CLYBL: variants seen among roughly 807,000 people sequenced by gnomAD.
CLYBL encodes the protein citramalyl-CoA lyase.
CLYBL carries 31 observed loss-of-function variants against 38.9 expected under a neutral mutation model. That is an observed-to-expected ratio of 0.80 (90% CI 0.60 to 1.08). The LOEUF is 1.08. Ranked by LOEUF, CLYBL falls within the 50% of genes least tolerant of loss-of-function variation. CLYBL has a pLI of 0.00. For missense variants in CLYBL, 434 were observed against 411.6 expected (o/e 1.05, Z -0.47); for synonymous variants, 171 against 158.6 (o/e 1.08, Z -0.59).
At chr13:99,741,637 G>C (rs2048757922) in intron 1 of CLYBL, among the ~76,000 whole-genome samples, 1 of 152,228 alleles carries the variant, frequency 6.6e-6, no homozygotes, top group Non-Finnish European at 1.5e-5. Flanking sequence ...CTGCACTCTA[G>C]TCCGCGTTCA....
intron 1 of CLYBL, among the ~76,000 whole-genome samples, chr13:99,757,766 C>T (rs529148550): frequency 2.3e-4 from 35 of 152,308 alleles, no homozygotes; most frequent in African/African-American, 7.9e-4. Flanking sequence ...GCCACCTTGG[C>T]AACTTTTAAA....
chr13:99,645,497 C>CAAAAA (rs35412408), intron 1 of CLYBL, among the ~76,000 whole-genome samples: 6 of 94,178 alleles, frequency 6.4e-5, no homozygotes, highest in African/African-American at 2.4e-4. Flanking sequence ...GACTCTGTCT[C>CAAAAA]AAAAAAAAAA....
rs57249330 is a variant in CLYBL at position 99,818,446 on chromosome 13, AACACACACAC to A, written c.250-40386_250-40377del. Among the ~76,000 whole-genome samples the A allele has an allele frequency of 3.9e-3, 561 of 143,314 alleles. 9 individuals carry two copies. Among genetic ancestry groups the A allele is most frequent in the East Asian group, 2.5e-3 (12 of 4,850 alleles). 94.0% of individuals were successfully genotyped at this position (143,314 alleles called of 152,430 possible). ...CCCCTGAAGATCACATGGAGCAGAA[AACACACACAC>A]ACACACACACACACACACACACACA... On this transcript the variant is annotated intron_variant, in intron 2 of 8. Coordinates refer to ENST00000339105, the MANE Select transcript of CLYBL (RefSeq NM_206808.5).
chr13:99,774,284 A>G lies in CLYBL; in HGVS notation c.249+1274A>G, dbSNP rs937110368. 4.6e-5 allele frequency among the ~76,000 whole-genome samples: 7 copies of G among 151,858 alleles called. 1 individual carries two copies. Among genetic ancestry groups the G allele is most frequent in the Admixed American group, 6.6e-5 (1 of 15,252 alleles). On this transcript the variant is annotated intron_variant, in intron 2 of 8. Transcript: ENST00000339105. ...ACCAATTTGTAAATAGGTACAAAAG[A>G]CTCTTACTGCGTGACTGTATAGTAG...
intron 1 of CLYBL, among the ~76,000 whole-genome samples, chr13:99,613,481 T>C (rs941734264): frequency 3.9e-5 from 6 of 152,130 alleles, no homozygotes; most frequent in Non-Finnish European, 8.8e-5. Context: ...TAGGGTTGGC[T>C]TCATCTTTGA....
chr13:99,784,449 C>CTCTTTTTTTTTTTTTTT lies in CLYBL; in HGVS notation c.249+11440_249+11441insCTTTTTTTTTTTTTTTT, dbSNP rs71121010. ...TTCCTCTGCTTCTGGAAAATTCTCTCTTTTTTTTTTTTTTTTTTTTTTTGA... is the reference window on the plus strand; with the variant it reads ...TTCCTCTGCTTCTGGAAAATTCTCTCTCTTTTTTTTTTTTTTTTTTTTTTTTTTTTTTTTTTTTTTGA... On this transcript the variant is annotated intron_variant, in intron 2 of 8. Transcript: ENST00000339105. 1.8e-3 allele frequency among the ~76,000 whole-genome samples: 94 copies of CTCTTTTTTTTTTTTTTT among 52,108 alleles called. 8 individuals carry two copies. Among genetic ancestry groups the CTCTTTTTTTTTTTTTTT allele is most frequent in the Non-Finnish European group, 2.9e-3 (77 of 26,214 alleles). 34.2% of individuals were successfully genotyped at this position (52,108 alleles called of 152,430 possible).
At position 99,787,316 on chromosome 13, in the gene CLYBL, G is replaced by T. The variant is rs193044434; in HGVS notation, c.249+14306G>T. On this transcript the variant is annotated intron_variant, in intron 2 of 8. Coordinates refer to ENST00000339105, the MANE Select transcript of CLYBL (RefSeq NM_206808.5). ...GGTATCGCCTAGGTTTTCTTCTAGGGTTTTTTATGGTTTTAGGTCTAACAT... is the reference window on the plus strand; with the variant it reads ...GGTATCGCCTAGGTTTTCTTCTAGGTTTTTTTATGGTTTTAGGTCTAACAT... Among the ~76,000 whole-genome samples the T allele has an allele frequency of 6.5e-3, 982 of 152,194 alleles. 10 individuals carry two copies. The highest frequency in any genetic ancestry group is 0.023 in the African/African-American group (951 of 41,528).
intron 2 of CLYBL, among the ~76,000 whole-genome samples, chr13:99,777,910 G>A (rs1190170437): frequency 6.6e-6 from 1 of 152,214 alleles, no homozygotes; most frequent in East Asian, 1.9e-4. Flanking sequence ...CCATTAAATA[G>A]CAGAACCAAG....
intron 1 of CLYBL, among the ~76,000 whole-genome samples, chr13:99,665,216 G>A (rs2139344188): frequency 6.6e-6 from 1 of 151,898 alleles, no homozygotes; most frequent in South Asian, 2.1e-4. Flanking sequence ...GTATTATTGG[G>A]CACAGGAAAA....
intron 1 of CLYBL, among the ~76,000 whole-genome samples, chr13:99,755,423 G>A (rs1422633346): frequency 6.6e-6 from 1 of 152,150 alleles, no homozygotes; most frequent in Non-Finnish European, 1.5e-5. Flanking sequence ...AATGCATGAG[G>A]TGTGCCCAGT....
intron 1 of CLYBL, among the ~76,000 whole-genome samples, chr13:99,685,005 G>T (rs1321234549): frequency 1.3e-5 from 2 of 152,184 alleles, no homozygotes; most frequent in Admixed American, 6.5e-5. Context: ...AAATACTTTG[G>T]TTTTTAATAT....
chr13:99,803,843 G>A (rs1167687031), intron 2 of CLYBL, among the ~76,000 whole-genome samples: 1 of 152,134 alleles, frequency 6.6e-6, no homozygotes, highest in Non-Finnish European at 1.5e-5. Flanking sequence ...GACATTCGCG[G>A]TCACACTAAC....
chr13:99,812,275 G>C (rs975339705), intron 2 of CLYBL, among the ~76,000 whole-genome samples: 3 of 152,148 alleles, frequency 2.0e-5, no homozygotes, highest in African/African-American at 7.2e-5. Context: ...TATTGTTATG[G>C]GTTTGAGGAC....
At chr13:99,697,503 G>A (rs1427500991) in intron 1 of CLYBL, among the ~76,000 whole-genome samples, 4 of 151,918 alleles carry the variant, frequency 2.6e-5, no homozygotes, top group African/African-American at 9.7e-5. Flanking sequence ...CAGTAGCTGG[G>A]ATTACAGGCA....
At chr13:99,907,587 A>G (rs2052709531) in intron 9 of CLYBL, among the ~76,000 whole-genome samples, 1 of 152,072 alleles carries the variant, frequency 6.6e-6, no homozygotes, top group Non-Finnish European at 1.5e-5. Flanking sequence ...ATTGGGCATG[A>G]TGGGTCACAC....
rs74115627 is a variant in CLYBL, at chr13:99,818,259, T to G, written c.250-40602T>G. ...TTATCTGTCACCTTAGGATTACACT[T>G]TGGCTGATAGCATGTGAGTAGAAAG... On this transcript the variant is annotated intron_variant, in intron 2 of 8. Coordinates refer to ENST00000339105, the MANE Select transcript of CLYBL (RefSeq NM_206808.5). Among the ~76,000 whole-genome samples the G allele has an allele frequency of 3.7e-3, 567 of 152,258 alleles. 4 individuals carry two copies. The highest frequency in any genetic ancestry group is 0.013 in the African/African-American group (542 of 41,542).
chr13:99,712,854 C>T (rs1045259825), intron 1 of CLYBL, among the ~76,000 whole-genome samples: 4 of 152,030 alleles, frequency 2.6e-5, no homozygotes, highest in African/African-American at 7.2e-5. Flanking sequence ...ATAATCCTGG[C>T]GTTTGCTCTG....
At chr13:99,878,709 G>A (rs1051789296) in intron 7 of CLYBL, among the ~76,000 whole-genome samples, 4 of 152,148 alleles carry the variant, frequency 2.6e-5, no homozygotes, top group Non-Finnish European at 4.4e-5. Flanking sequence ...TGGCAAATGT[G>A]TTAACTCCCT....
intron 2 of CLYBL, among the ~76,000 whole-genome samples, chr13:99,792,628 A>C (rs2049941716): frequency 7.1e-6 from 1 of 140,518 alleles, no homozygotes. Flanking sequence ...ATGCTCTTTG[A>C]ATGCTTCTCC....
Sources: gnomAD v4.1 joint callset for allele counts (sites outside exome capture counted in the v4.1 genomes callset) on GRCh38, gnomAD v4.1.1 for gene constraint, MANE v1.5 for transcripts, NCBI Gene and HGNC (gene_info 2026-07-23, HGNC 2026-07-21) for gene names.